Variants in IKBKB-DT observed in about 807,000 individuals in gnomAD.
IKBKB-DT encodes the protein IKBKB antisense RNA.
At chr8:42,255,359 T>A (rs1308236572) in intron 3 of IKBKB-DT, 2 of 152,238 alleles carry the variant, frequency 1.3e-5, no homozygotes, top group African/African-American at 4.8e-5. Flanking sequence ...ATAAGGAATC[T>A]CAGGTTAGAC....
chr8:42,245,860 A>G (rs118062058), intron 3 of IKBKB-DT, among the ~76,000 whole-genome samples: 6,364 of 152,232 alleles, frequency 0.042, 226 homozygotes, highest in Non-Finnish European at 0.056. Flanking sequence ...ATATAAAAGG[A>G]TGTTTACTGC....
intron 3 of IKBKB-DT, among the ~76,000 whole-genome samples, chr8:42,235,419 G>T (rs1806906503): frequency 6.6e-6 from 1 of 151,602 alleles, no homozygotes; most frequent in Non-Finnish European, 1.5e-5. Flanking sequence ...TTGACCAGGT[G>T]GTCTCAAACT....
chr8:42,256,033 A>AAAAAAG (rs1215664889), intron 3 of IKBKB-DT, among the ~76,000 whole-genome samples: 1 of 151,866 alleles, frequency 6.6e-6, no homozygotes, highest in Non-Finnish European at 1.5e-5. Flanking sequence ...TCTCAAAAAA[A>AAAAAAG]AAAAAGAAAA....
At chr8:42,271,214 G>T (rs1807632284) in exon 1 of IKBKB-DT, 1 of 613,648 alleles carries the variant, frequency 1.6e-6, no homozygotes, top group Non-Finnish European at 3.0e-6. Context: ...GAGGGTCCCG[G>T]GACAGGCGCA....
intron 1 of IKBKB-DT, among the ~76,000 whole-genome samples, chr8:42,266,695 T>C (rs909822788): frequency 1.3e-5 from 2 of 152,116 alleles, no homozygotes; most frequent in African/African-American, 4.8e-5. Flanking sequence ...ATAAAGACCC[T>C]GCAGATAAAA....
At chr8:42,252,538 T>A (rs1006804912) in intron 3 of IKBKB-DT, among the ~76,000 whole-genome samples, 3 of 152,196 alleles carry the variant, frequency 2.0e-5, no homozygotes, top group South Asian at 2.1e-4. Flanking sequence ...GCTAATTTTT[T>A]AAATTTTTGG....
At chr8:42,264,668 C>T (rs1471155878) in intron 2 of IKBKB-DT, among the ~76,000 whole-genome samples, 1 of 152,198 alleles carries the variant, frequency 6.6e-6, no homozygotes, top group Non-Finnish European at 1.5e-5. Context: ...AAGCAACTCT[C>T]CTGTCTCAGC....
At chr8:42,255,731 A>C (rs74536022) in intron 3 of IKBKB-DT, among the ~76,000 whole-genome samples, 4,777 of 152,238 alleles carry the variant, frequency 0.031, 104 homozygotes, top group Non-Finnish European at 0.042. Flanking sequence ...AATTTATGAA[A>C]ATAACTATAT....
chr8:42,246,592 C>T (rs1268822990), intron 3 of IKBKB-DT, among the ~76,000 whole-genome samples: 1 of 152,144 alleles, frequency 6.6e-6, no homozygotes, highest in African/African-American at 2.4e-5. Context: ...AATCTTAGCT[C>T]TACGATATCA....
chr8:42,257,366 G>T (rs1218481071), intron 3 of IKBKB-DT, among the ~76,000 whole-genome samples: 1 of 152,068 alleles, frequency 6.6e-6, no homozygotes, highest in Non-Finnish European at 1.5e-5. Flanking sequence ...GCTGGGTGTG[G>T]TGGCACGCGC....
chr8:42,257,839 A>G (rs1807228132), intron 3 of IKBKB-DT, among the ~76,000 whole-genome samples: 1 of 152,012 alleles, frequency 6.6e-6, no homozygotes, highest in African/African-American at 2.4e-5. Context: ...ATTAAACAGG[A>G]TCACAGATCA....
In IKBKB-DT at chr8:42,243,099, G is replaced by T. The variant is rs935658078; in HGVS notation, n.1530-9240C>A. ...CAGGGGAGGAGGTGAGCAGGTTGGG[G>T]GTGGTCCTCGTGCCAGCTTAGTGTC... On this transcript the variant is annotated intron_variant and non_coding_transcript_variant, in intron 3 of 3. Coordinates refer to ENST00000518213, the Ensembl canonical transcript of IKBKB-DT. Among the ~76,000 whole-genome samples the T allele has an allele frequency of 6.6e-5, 10 of 152,294 alleles. 1 individual carries two copies. In the South Asian group the frequency reaches 2.1e-3, roughly 32 times the overall value.
chr8:42,237,046 C>T (rs1806933239), intron 3 of IKBKB-DT, among the ~76,000 whole-genome samples: 1 of 151,312 alleles, frequency 6.6e-6, no homozygotes, highest in African/African-American at 2.4e-5. Flanking sequence ...TAAAAAACAC[C>T]CCAAATCTTA....
At chr8:42,255,502 C>T (rs909833093) in intron 3 of IKBKB-DT, 4 of 152,056 alleles carry the variant, frequency 2.6e-5, no homozygotes, top group African/African-American at 9.7e-5. Context: ...AGGAAGTGAC[C>T]TTTCTTACTC....
chr8:42,249,192 A>G (rs567680755), intron 3 of IKBKB-DT: 44 of 151,954 alleles, frequency 2.9e-4, no homozygotes, highest in African/African-American at 8.9e-4. Context: ...AATACAGGGG[A>G]CCCCATCTCT....
chr8:42,233,729 G>A (rs1349992465), exon 4 of IKBKB-DT: 1 of 152,180 alleles, frequency 6.6e-6, no homozygotes, highest in Non-Finnish European at 1.5e-5. Context: ...CCCAGCAGTC[G>A]GGAGCAGAGT....
At chr8:42,245,199 T>A (rs1807047970) in intron 3 of IKBKB-DT, among the ~76,000 whole-genome samples, 1 of 151,978 alleles carries the variant, frequency 6.6e-6, no homozygotes, top group Non-Finnish European at 1.5e-5. Context: ...AGGTTGCAGT[T>A]AGCTGAGATC....
chr8:42,268,311 A>G (rs1440399456), intron 1 of IKBKB-DT, among the ~76,000 whole-genome samples: 3 of 148,498 alleles, frequency 2.0e-5, no homozygotes, highest in African/African-American at 7.5e-5. Context: ...ATTTTTTTGT[A>G]TTTTTAGTAG....
chr8:42,243,591 T>A (rs1243160403), intron 3 of IKBKB-DT, among the ~76,000 whole-genome samples: 1 of 152,188 alleles, frequency 6.6e-6, no homozygotes, highest in African/African-American at 2.4e-5. Context: ...GAATAACTAG[T>A]GTAACTTCAC....
Sources: allele counts gnomAD v4.1 joint callset (sites outside exome capture counted in the v4.1 genomes callset), GRCh38; gene constraint gnomAD v4.1.1; transcripts MANE v1.5; gene names NCBI Gene and HGNC (gene_info 2026-07-23, HGNC 2026-07-21).